Variants in EXOC4 observed in about 807,000 individuals in gnomAD.
EXOC4 encodes SEC8-like 1.
Under a neutral mutation model 107.2 loss-of-function variants are expected in EXOC4, and 71 were observed. The observed-to-expected ratio is 0.66, with a 90% CI of 0.55 to 0.81. The LOEUF (loss-of-function observed/expected upper bound fraction) is 0.81. Among genes scored for constraint, EXOC4 ranks in the 30% least tolerant of loss-of-function variants. EXOC4 has a pLI of 0.00. For missense variants in EXOC4, 1,108 were observed against 1,189.6 expected, an observed-to-expected ratio of 0.93 and a Z score of 1.01; for synonymous variants, 456 against 441.2, an observed-to-expected ratio of 1.03 and a Z score of -0.42.
At chr7:133,644,047 A>G (rs1487885139) in intron 10 of EXOC4, among the ~76,000 whole-genome samples, 1 of 152,196 alleles carries the variant, frequency 6.6e-6, no homozygotes, top group East Asian at 1.9e-4. Context: ...CGTTCATTCA[A>G]GGAGTTCTGG....
At chr7:133,802,365 A>C (rs181319037) in intron 10 of EXOC4, among the ~76,000 whole-genome samples, 1 of 152,384 alleles carries the variant, frequency 6.6e-6, no homozygotes, top group East Asian at 1.9e-4. Flanking sequence ...AACAATAATC[A>C]TGCATCCACT....
chr7:133,559,364 G>C (rs1349435188), intron 9 of EXOC4, among the ~76,000 whole-genome samples: 2 of 152,000 alleles, frequency 1.3e-5, no homozygotes, highest in African/African-American at 4.8e-5. Flanking sequence ...CATTTTTCTA[G>C]ACTTCATTGT....
At chr7:133,603,182 C>G (rs1436757511) in intron 9 of EXOC4, among the ~76,000 whole-genome samples, 1 of 152,128 alleles carries the variant, frequency 6.6e-6, no homozygotes, top group Non-Finnish European at 1.5e-5. Context: ...TGTTGATTCT[C>G]TACCTCTGTA....
chr7:134,067,060 G>T (rs1371455658), downstream of EXOC4, among the ~76,000 whole-genome samples: 1 of 150,106 alleles, frequency 6.7e-6, no homozygotes, highest in African/African-American at 2.4e-5. Context: ...TGAGGCAGGA[G>T]AATCGCTTGA....
chr7:134,017,256 A>G (rs1794930785), intron 17 of EXOC4, among the ~76,000 whole-genome samples: 2 of 152,126 alleles, frequency 1.3e-5, no homozygotes, highest in Admixed American at 6.5e-5. Flanking sequence ...AGAAGAGACT[A>G]GTCTGCTGCC....
intron 14 of EXOC4, among the ~76,000 whole-genome samples, chr7:133,948,025 A>G (rs1312850883): frequency 6.6e-6 from 1 of 152,222 alleles, no homozygotes; most frequent in Non-Finnish European, 1.5e-5. Context: ...GTGGAAATGC[A>G]GAATCACCAG....
At chr7:133,256,692 A>T (rs1207266873) in intron 1 of EXOC4, among the ~76,000 whole-genome samples, 1 of 152,176 alleles carries the variant, frequency 6.6e-6, no homozygotes. Flanking sequence ...GTACTACATT[A>T]TGTATCATAA....
At chr7:134,088,422 T>G in the EXOC4 span, among the ~76,000 whole-genome samples, 8 of 152,224 alleles carry the variant, frequency 5.3e-5, no homozygotes, top group African/African-American at 1.9e-4. Context: ...CTTTACCTAA[T>G]TGTTAAAAGC....
chr7:133,693,995 G>A (rs1794476880), intron 10 of EXOC4, among the ~76,000 whole-genome samples: 1 of 152,156 alleles, frequency 6.6e-6, no homozygotes, highest in African/African-American at 2.4e-5. Flanking sequence ...GCTGGGTGTG[G>A]TGGCTCATGC....
intron 10 of EXOC4, among the ~76,000 whole-genome samples, chr7:133,779,032 T>C (rs10231722): frequency 1.3e-5 from 2 of 152,170 alleles, no homozygotes; most frequent in South Asian, 2.1e-4. Context: ...CTTAGAAGAT[T>C]TGAGATAATG....
chr7:133,259,118 A>G (rs1197436822), intron 1 of EXOC4, among the ~76,000 whole-genome samples: 2 of 152,086 alleles, frequency 1.3e-5, no homozygotes, highest in East Asian at 1.9e-4. Flanking sequence ...TTGTCCATGT[A>G]TATACATTTT....
chr7:133,581,497 G>T (rs991926710), intron 9 of EXOC4, among the ~76,000 whole-genome samples: 1 of 151,932 alleles, frequency 6.6e-6, no homozygotes, highest in Non-Finnish European at 1.5e-5. Flanking sequence ...GGTGGCTCAC[G>T]CCTGTAATCC....
At chr7:133,284,022 C>A (rs990462097) in intron 2 of EXOC4, among the ~76,000 whole-genome samples, 1 of 152,170 alleles carries the variant, frequency 6.6e-6, no homozygotes, top group Admixed American at 6.5e-5. Flanking sequence ...TTAAAAGTTC[C>A]TGTAGTTTCT....
chr7:133,687,954 TAACA>T (rs1411439106), intron 10 of EXOC4, among the ~76,000 whole-genome samples: 3 of 152,186 alleles, frequency 2.0e-5, no homozygotes, highest in Admixed American at 6.5e-5. Context: ...TGTATAACTC[TAACA>T]AACTGTGTGT....
At chr7:133,254,283 T>C (rs189551490) in intron 1 of EXOC4, among the ~76,000 whole-genome samples, 10 of 152,332 alleles carry the variant, frequency 6.6e-5, no homozygotes, top group Admixed American at 6.5e-4. Flanking sequence ...ATCATTACTT[T>C]AATTTTCTTT....
At chr7:133,388,013 A>AC (rs1796767466) in intron 7 of EXOC4, among the ~76,000 whole-genome samples, 1 of 151,880 alleles carries the variant, frequency 6.6e-6, no homozygotes, top group Admixed American at 6.6e-5. Context: ...CCAAAAACAA[A>AC]AAAAAAAGAT....
At chr7:134,030,695 C>G (rs1795250394) in intron 17 of EXOC4, among the ~76,000 whole-genome samples, 1 of 139,448 alleles carries the variant, frequency 7.2e-6, no homozygotes. Context: ...CAGCTCACCC[C>G]CCCGCCCCGA....
intron 17 of EXOC4, among the ~76,000 whole-genome samples, chr7:134,029,364 T>C (rs1372073625): frequency 6.6e-6 from 1 of 152,198 alleles, no homozygotes; most frequent in African/African-American, 2.4e-5. Context: ...TTCATTCATA[T>C]GAAGGTCCAG....
At chr7:133,711,060 G>C (rs564186944) in intron 10 of EXOC4, among the ~76,000 whole-genome samples, 11 of 152,186 alleles carry the variant, frequency 7.2e-5, no homozygotes, top group Non-Finnish European at 1.3e-4. Flanking sequence ...AATACAAAAT[G>C]AACTGTATCA....
Sources: allele counts gnomAD v4.1 joint callset (sites outside exome capture counted in the v4.1 genomes callset), GRCh38; gene constraint gnomAD v4.1.1; transcripts MANE v1.5; gene names NCBI Gene and HGNC (gene_info 2026-07-23, HGNC 2026-07-21).